GPC6: variants seen among roughly 807,000 people sequenced by gnomAD.
GPC6 encodes glypican 6, also known as glypican-6.
In GPC6, 14 loss-of-function variants were observed where a neutral mutation model predicts 55.2. That is an observed-to-expected ratio of 0.25 (90% CI 0.17 to 0.40). GPC6 has a LOEUF of 0.40. GPC6 is among the 10% of genes least tolerant of loss of function. The pLI, the probability that GPC6 is intolerant of heterozygous loss-of-function variation, is 1.00. For missense variants in GPC6, 641 were observed against 708.5 expected (o/e 0.90, Z 1.08); for synonymous variants, 278 against 259.6 (o/e 1.07, Z -0.68).
At chr13:94,305,794 GTATC>G (rs1038134832) in intron 5 of GPC6, among the ~76,000 whole-genome samples, 182 bp from the exon 6 acceptor site, 1 of 152,180 alleles carries the variant, frequency 6.6e-6, no homozygotes, top group Non-Finnish European at 1.5e-5. Flanking sequence ...TGGTCACTGT[GTATC>G]TGTCTGGGTA....
chr13:93,510,416 T>C (rs1159685384), intron 1 of GPC6, among the ~76,000 whole-genome samples: 1 of 152,138 alleles, frequency 6.6e-6, no homozygotes, highest in Non-Finnish European at 1.5e-5. Context: ...GAGCATGCAA[T>C]ATTTGTCTTT....
intron 4 of GPC6, among the ~76,000 whole-genome samples, chr13:94,057,705 A>G (rs903328111): frequency 6.6e-6 from 1 of 152,200 alleles, no homozygotes; most frequent in Non-Finnish European, 1.5e-5. Flanking sequence ...GGGGGTTTAA[A>G]TAAGTGCTTG....
At chr13:94,360,362 G>A (rs143157538) in intron 6 of GPC6, among the ~76,000 whole-genome samples, 87 of 152,170 alleles carry the variant, frequency 5.7e-4, no homozygotes, top group African/African-American at 1.7e-3. Flanking sequence ...ATTGATTCAG[G>A]GACAGTATAA....
chr13:93,988,772 C>T (rs746557629), intron 3 of GPC6, among the ~76,000 whole-genome samples: 3 of 152,000 alleles, frequency 2.0e-5, no homozygotes, highest in East Asian at 3.9e-4. Flanking sequence ...ATGGGGATTA[C>T]GGGGGACACA....
intron 1 of GPC6, among the ~76,000 whole-genome samples, chr13:93,492,973 C>G (rs891227226): frequency 9.8e-6 from 1 of 102,502 alleles, no homozygotes; most frequent in East Asian, 2.7e-4. Flanking sequence ...GGATATTGGT[C>G]TAAAATTCTC....
At chr13:93,633,525 A>G (rs1460175790) in intron 2 of GPC6, among the ~76,000 whole-genome samples, 1 of 151,782 alleles carries the variant, frequency 6.6e-6, no homozygotes. Flanking sequence ...AGCTGGGACT[A>G]CTCTGGAGGC....
At chr13:93,279,318 T>C (rs563676957) in intron 1 of GPC6, among the ~76,000 whole-genome samples, 2 of 152,324 alleles carry the variant, frequency 1.3e-5, no homozygotes, top group African/African-American at 2.4e-5. Flanking sequence ...TTTTGAGAAC[T>C]ATTGTTCTGG....
intron 2 of GPC6, among the ~76,000 whole-genome samples, chr13:93,783,548 T>G (rs192381319): frequency 6.8e-4 from 103 of 150,936 alleles, no homozygotes; most frequent in Admixed American, 3.4e-3. Flanking sequence ...TTATTGTATC[T>G]CACTGTGGTT....
rs545304231 is a variant in GPC6, at chr13:93,327,169, C to T, written c.160+99553C>T. On this transcript the variant is annotated intron_variant, in intron 1 of 8. Transcript: ENST00000377047. ...GATCAAGATTTATGTAGTAACTAGGCGTTTGACTTACCTCTATCTTTTTAA... is the reference window on the plus strand; with the variant it reads ...GATCAAGATTTATGTAGTAACTAGGTGTTTGACTTACCTCTATCTTTTTAA... Among the ~76,000 whole-genome samples, 13 of 152,210 alleles carry T rather than the reference C, an allele frequency of 8.5e-5. No individual in the cohort carries two copies. The South Asian group carries it at 2.7e-3, about 32-fold the overall frequency.
At chr13:93,771,902 A>G (rs1885311314) in intron 2 of GPC6, among the ~76,000 whole-genome samples, 2 of 152,216 alleles carry the variant, frequency 1.3e-5, no homozygotes, top group African/African-American at 4.8e-5. Flanking sequence ...ACAAAAGTTC[A>G]GAGTTCATTG....
intron 4 of GPC6, among the ~76,000 whole-genome samples, chr13:94,162,379 A>C (rs1888199009): frequency 6.6e-6 from 1 of 152,198 alleles, no homozygotes. Flanking sequence ...AGTCTTGTTA[A>C]ATTGCTCCTT....
chr13:93,866,504 A>G (rs920545182), intron 3 of GPC6, among the ~76,000 whole-genome samples: 3 of 151,800 alleles, frequency 2.0e-5, no homozygotes, highest in African/African-American at 4.8e-5. Context: ...AAAAGAAAAC[A>G]TGGTACATAT....
intron 6 of GPC6, chr13:94,306,392 T>C (rs1223893479): frequency 2.0e-6 from 1 of 490,134 alleles, no homozygotes; most frequent in African/African-American, 1.9e-5. Context: ...TCATGAAATA[T>C]TAATTTGAAA....
At chr13:93,498,678 C>G (rs978451574) in intron 1 of GPC6, among the ~76,000 whole-genome samples, 1 of 152,128 alleles carries the variant, frequency 6.6e-6, no homozygotes, top group Non-Finnish European at 1.5e-5. Flanking sequence ...TGAGGCCTCC[C>G]CAGCCACGTG....
intron 2 of GPC6, among the ~76,000 whole-genome samples, chr13:93,708,148 CTAAT>C: frequency 6.6e-6 from 1 of 151,820 alleles, no homozygotes; most frequent in Non-Finnish European, 1.5e-5. Context: ...CATGACAAGT[CTAAT>C]TATTTACAAG....
chr13:93,903,771 CT>C (rs1010281906), intron 3 of GPC6, among the ~76,000 whole-genome samples: 7 of 152,034 alleles, frequency 4.6e-5, no homozygotes, highest in Non-Finnish European at 8.8e-5. Context: ...TGTATGCCGT[CT>C]AGTCTCCCCA....
intron 2 of GPC6, among the ~76,000 whole-genome samples, chr13:93,774,138 T>G (rs879469954): frequency 6.6e-6 from 1 of 152,228 alleles, no homozygotes; most frequent in Non-Finnish European, 1.5e-5. Flanking sequence ...CTATGAAGAC[T>G]GTTCCAGATA....
At chr13:93,715,131 C>A (rs570901191) in intron 2 of GPC6, among the ~76,000 whole-genome samples, 2 of 151,630 alleles carry the variant, frequency 1.3e-5, no homozygotes, top group East Asian at 2.0e-4. Context: ...GAATTTCTAT[C>A]TCAGTACTAC....
At chr13:93,787,636 G>T (rs1168625457) in intron 2 of GPC6, among the ~76,000 whole-genome samples, 1 of 152,012 alleles carries the variant, frequency 6.6e-6, no homozygotes, top group Non-Finnish European at 1.5e-5. Context: ...AGGGTCATTG[G>T]GATATCCATC....
Sources: allele counts gnomAD v4.1 joint callset (sites outside exome capture counted in the v4.1 genomes callset), GRCh38; gene constraint gnomAD v4.1.1; transcripts MANE v1.5; gene names NCBI Gene and HGNC (gene_info 2026-07-23, HGNC 2026-07-21).